Variants in CDH13 observed in about 807,000 individuals in gnomAD.
CDH13 encodes the protein cadherin 13, also known as cadherin-13.
In CDH13, 24 loss-of-function variants were observed where a neutral mutation model predicts 63.8. The observed-to-expected ratio is 0.38, with a 90% confidence interval of 0.27 to 0.53. The LOEUF is 0.53. CDH13 is among the 20% of genes least tolerant of loss of function. CDH13 has a pLI of 0.85. For synonymous variants in CDH13, 503 were observed against 355.3 expected (o/e 1.42, Z -4.67); for missense variants, 1,049 against 903.1 (o/e 1.16, Z -2.07).
intron 7 of CDH13, among the ~76,000 whole-genome samples, chr16:83,519,941 A>G (rs1427356405): frequency 6.6e-6 from 1 of 152,152 alleles, no homozygotes; most frequent in Non-Finnish European, 1.5e-5. Flanking sequence ...AGTTTGAAAA[A>G]TAAATGAAAA....
chr16:82,672,081 T>C (rs1913317497), intron 1 of CDH13, among the ~76,000 whole-genome samples: 1 of 152,218 alleles, frequency 6.6e-6, no homozygotes, highest in South Asian at 2.1e-4. Context: ...ATATGGAAGT[T>C]AACAACGCAG....
intron 1 of CDH13, among the ~76,000 whole-genome samples, chr16:82,731,305 A>G (rs189017232): frequency 3.7e-4 from 57 of 152,392 alleles, no homozygotes; most frequent in Middle Eastern, 6.8e-3. Context: ...ACATATATAA[A>G]TAAATGAGTA....
At chr16:82,719,691 C>G (rs1370308774) in intron 1 of CDH13, among the ~76,000 whole-genome samples, 3 of 151,918 alleles carry the variant, frequency 2.0e-5, no homozygotes, top group Non-Finnish European at 4.4e-5. Flanking sequence ...ACTGAAAATA[C>G]AAAATTTATC....
At chr16:83,532,517 C>G (rs1011062247) in intron 7 of CDH13, among the ~76,000 whole-genome samples, 3 of 152,250 alleles carry the variant, frequency 2.0e-5, no homozygotes, top group African/African-American at 7.2e-5. Context: ...CATGCGGGCT[C>G]TTTGCTGCTG....
At chr16:83,768,724 T>G (rs1914565593) in intron 11 of CDH13, among the ~76,000 whole-genome samples, 1 of 152,122 alleles carries the variant, frequency 6.6e-6, no homozygotes, top group African/African-American at 2.4e-5. Context: ...TAGGGTAACT[T>G]CCTGATGTTG....
intron 7 of CDH13, among the ~76,000 whole-genome samples, chr16:83,494,849 C>T (rs563360490): frequency 1.1e-4 from 17 of 152,146 alleles, no homozygotes; most frequent in South Asian, 4.1e-4. Context: ...GCTTGTTGAT[C>T]GTATTATTTA....
At chr16:83,682,387 A>C (rs1014445378) in intron 10 of CDH13, among the ~76,000 whole-genome samples, 2 of 152,102 alleles carry the variant, frequency 1.3e-5, no homozygotes, top group Non-Finnish European at 2.9e-5. Context: ...GTCGTTCATA[A>C]GTCGCATGTC....
intron 2 of CDH13, among the ~76,000 whole-genome samples, chr16:83,000,223 ATTTTTTTTTTTTTTTTTTTT>A (rs746904500): frequency 0.035 from 1,310 of 37,032 alleles, 18 homozygotes; most frequent in Admixed American, 0.12. Flanking sequence ...GGTTTAGCTT[ATTTTTTTTTTTTTTTTTTTT>A]TTTTTTTTTT....
intron 7 of CDH13, among the ~76,000 whole-genome samples, chr16:83,529,679 T>G (rs573218369): frequency 2.4e-4 from 36 of 152,000 alleles, no homozygotes; most frequent in African/African-American, 8.2e-4. Flanking sequence ...GTAATATAAA[T>G]GGAAATAGAG....
intron 11 of CDH13, among the ~76,000 whole-genome samples, chr16:83,771,877 A>C (rs376357134): frequency 7.9e-5 from 12 of 152,368 alleles, no homozygotes; most frequent in African/African-American, 2.6e-4. Flanking sequence ...AAAATTAAAA[A>C]TATCTCCTTA....
chr16:83,172,950 A>C (rs894671536), intron 4 of CDH13, among the ~76,000 whole-genome samples: 6 of 152,064 alleles, frequency 3.9e-5, no homozygotes, highest in Non-Finnish European at 8.8e-5. Context: ...AACCAAGCCA[A>C]CACTCTCCCC....
chr16:83,276,409 A>G (rs964046435), intron 5 of CDH13, among the ~76,000 whole-genome samples: 6 of 152,288 alleles, frequency 3.9e-5, no homozygotes, highest in Admixed American at 3.9e-4. Flanking sequence ...ACCTTGAGCC[A>G]GTGATTGCCT....
chr16:83,180,839 TA>T, intron 4 of CDH13: 1 of 1,459,186 alleles, frequency 6.9e-7, no homozygotes, highest in Non-Finnish European at 9.3e-7. Flanking sequence ...ATCCCCAATT[TA>T]CAACAAAATG....
At chr16:83,371,576 T>G (rs4782532) in intron 6 of CDH13, among the ~76,000 whole-genome samples, 35,360 of 152,152 alleles carry the variant, frequency 0.23, 4,707 homozygotes, top group African/African-American at 0.35. Flanking sequence ...GATGTACAAC[T>G]AAGCAATACC....
intron 1 of CDH13, among the ~76,000 whole-genome samples, chr16:82,662,126 A>G (rs1183635385): frequency 6.6e-6 from 1 of 150,828 alleles, no homozygotes; most frequent in Non-Finnish European, 1.5e-5. Flanking sequence ...TATTCTCCAT[A>G]TTCTCAATGA....
chr16:83,287,124 C>T (rs552439738), intron 5 of CDH13, among the ~76,000 whole-genome samples: 1 of 152,264 alleles, frequency 6.6e-6, no homozygotes, highest in South Asian at 2.1e-4. Context: ...AGGCCATGTT[C>T]ATTCTGCAAA....
chr16:83,201,722 C>A (rs139161270), intron 4 of CDH13, among the ~76,000 whole-genome samples: 3 of 151,310 alleles, frequency 2.0e-5, no homozygotes, highest in Non-Finnish European at 4.4e-5. Context: ...ATGGTGAAAC[C>A]CCGTCTCTAA....
At chr16:82,741,383 C>T (rs944989174) in intron 1 of CDH13, among the ~76,000 whole-genome samples, 16 of 152,326 alleles carry the variant, frequency 1.1e-4, no homozygotes, top group Middle Eastern at 3.4e-3. Flanking sequence ...AACTTTACAA[C>T]GTCTGCACAT....
chr16:83,024,594 C>A (rs929764177), intron 2 of CDH13, among the ~76,000 whole-genome samples: 1 of 152,176 alleles, frequency 6.6e-6, no homozygotes, highest in African/African-American at 2.4e-5. Context: ...CTCACTAAGT[C>A]TCAGTTTCCA....
Sources: gnomAD v4.1 joint callset for allele counts (sites outside exome capture counted in the v4.1 genomes callset) on GRCh38, gnomAD v4.1.1 for gene constraint, MANE v1.5 for transcripts, NCBI Gene and HGNC (gene_info 2026-07-23, HGNC 2026-07-21) for gene names.